INTS6: variants seen among roughly 807,000 people sequenced by gnomAD.
The protein encoded by INTS6 is integrator complex subunit 6.
Under a neutral mutation model 104.9 loss-of-function variants are expected in INTS6, and 16 were observed. That is an observed-to-expected ratio of 0.15 (90% confidence interval 0.10 to 0.23). INTS6 has a LOEUF of 0.23. INTS6 is among the 10% of genes least tolerant of loss of function. The pLI is 1.00. For missense variants in INTS6, 584 were observed against 1,062.8 expected, an observed-to-expected ratio of 0.55 and a Z score of 6.26; for synonymous variants, 324 against 358.7, an observed-to-expected ratio of 0.90 and a Z score of 1.09.
At chr13:51,430,648 G>A (rs1462880106) in intron 3 of INTS6, among the ~76,000 whole-genome samples, 1 of 152,042 alleles carries the variant, frequency 6.6e-6, no homozygotes, top group African/African-American at 2.4e-5. Context: ...ATTTTTAGAG[G>A]GAGTATATTT....
intron 6 of INTS6, among the ~76,000 whole-genome samples, chr13:51,389,084 T>C (rs1956199261): frequency 6.6e-6 from 1 of 152,240 alleles, no homozygotes; most frequent in Non-Finnish European, 1.5e-5. Flanking sequence ...GAAAAGGCTT[T>C]TGACTCATCA....
rs761913350 is a variant in INTS6 at position 51,378,281 on chromosome 13, A to C, written c.1560T>G (p.Asn520Lys). ...CTTGGAACCCAGTGTATTCCTTCATATTAAGGTCTAGCAGTCTGTGAGGGA... is the reference window on the plus strand; with the variant it reads ...CTTGGAACCCAGTGTATTCCTTCATCTTAAGGTCTAGCAGTCTGTGAGGGA... The part of the protein sequence containing the change: ...EDVPHRLLDL[N>K]MKEYTGFQVA... Residue 520 changes from asparagine to lysine, a missense_variant, in exon 12 of 18, where the codon AAT becomes AAG. Transcript: ENST00000311234. 2.4e-5 allele frequency: 38 copies of C among 1,613,432 alleles called. No homozygotes were observed. Among genetic ancestry groups the C allele is most frequent in the Non-Finnish European group, 3.1e-5 (37 of 1,179,438 alleles).
chr13:51,388,435 C>T (rs1345844514), intron 6 of INTS6, among the ~76,000 whole-genome samples: 3 of 151,448 alleles, frequency 2.0e-5, no homozygotes, highest in Non-Finnish European at 4.4e-5. Context: ...CTCTTGTTGC[C>T]CAGGCTGGAG....
At chr13:51,427,353 C>G (rs1209823003) in intron 4 of INTS6, among the ~76,000 whole-genome samples, 4 of 152,126 alleles carry the variant, frequency 2.6e-5, no homozygotes, top group African/African-American at 7.2e-5. Context: ...AATTGTTATT[C>G]CCTAGTAGGA....
At chr13:51,434,942 T>G (rs1320748507) in intron 3 of INTS6, among the ~76,000 whole-genome samples, 1 of 152,060 alleles carries the variant, frequency 6.6e-6, no homozygotes, top group Non-Finnish European at 1.5e-5. Context: ...ATTCACTATC[T>G]GGTGTCAAGC....
intron 5 of INTS6, among the ~76,000 whole-genome samples, chr13:51,390,107 T>C (rs1400569105): frequency 1.3e-5 from 2 of 152,020 alleles, no homozygotes; most frequent in East Asian, 1.9e-4. Context: ...TAAATACTAG[T>C]GATTTTTTTA....
chr13:51,429,785 A>AAAAAAAAAAAAATAT (rs1156333077), intron 4 of INTS6, among the ~76,000 whole-genome samples: 1 of 92,378 alleles, frequency 1.1e-5, no homozygotes, highest in African/African-American at 4.6e-5. Flanking sequence ...AAAAAAAAAA[A>AAAAAAAAAAAAATAT]ATATATATAT....
chr13:51,372,321 TA>T (rs1418221870), intron 15 of INTS6, among the ~76,000 whole-genome samples: 1 of 148,378 alleles, frequency 6.7e-6, no homozygotes, highest in Non-Finnish European at 1.5e-5. Flanking sequence ...TTTTTTTTTT[TA>T]AAGTATTTGG....
chr13:51,376,331 G>A (rs867592804), intron 12 of INTS6, among the ~76,000 whole-genome samples, 157 bp from the exon 13 acceptor site: 4 of 151,986 alleles, frequency 2.6e-5, no homozygotes, highest in East Asian at 3.9e-4. Context: ...TTAATGTACC[G>A]GTTCAGGGCC....
At chr13:51,378,161 C>T in intron 12 of INTS6, 78 bp downstream of exon 12, 1 of 1,037,074 alleles carries the variant, frequency 9.6e-7, no homozygotes, top group Non-Finnish European at 1.5e-6. Flanking sequence ...AACTGAATGT[C>T]AGAGTTAACA....
At chr13:51,357,329 C>T (rs1248202063), downstream of INTS6, among the ~76,000 whole-genome samples, 1 of 152,190 alleles carries the variant, frequency 6.6e-6, no homozygotes, top group Non-Finnish European at 1.5e-5. Flanking sequence ...GTAACTACCA[C>T]TCACCACACA....
At chr13:51,379,604 T>C in intron 10 of INTS6, 32 bp from the exon 11 acceptor site, 1 of 1,266,054 alleles carries the variant, frequency 7.9e-7, no homozygotes, top group Non-Finnish European at 1.1e-6. Context: ...CATTCAATAT[T>C]AAGCTTATTA....
chr13:51,344,193 T>C, the INTS6 span: 33 of 1,242,954 alleles, frequency 2.7e-5, no homozygotes, highest in Non-Finnish European at 3.7e-5. Flanking sequence ...TGCTGGAGGT[T>C]GTGCTAACTC....
At chr13:51,408,212 C>T (rs542315848) in intron 4 of INTS6, among the ~76,000 whole-genome samples, 2 of 149,012 alleles carry the variant, frequency 1.3e-5, no homozygotes, top group Admixed American at 6.7e-5. Flanking sequence ...GGTGCAATCT[C>T]GACTCACTGC....
chr13:51,383,282 G>A, intron 9 of INTS6, 47 bp downstream of exon 9: 1 of 1,505,142 alleles, frequency 6.6e-7, no homozygotes, highest in Non-Finnish European at 8.9e-7. Context: ...CGCTTTAGGA[G>A]AACTTTTATA....
At chr13:51,342,490 C>T in the INTS6 span, among the ~76,000 whole-genome samples, 16 of 152,210 alleles carry the variant, frequency 1.1e-4, no homozygotes, top group Admixed American at 2.6e-4. Context: ...AGTCAACCTC[C>T]GGCATTTTTT....
At chr13:51,451,953 A>G (rs1473991152) in intron 2 of INTS6, 25 bp downstream of exon 2, 2 of 1,560,256 alleles carry the variant, frequency 1.3e-6, no homozygotes. Context: ...GGAAGGGAGG[A>G]AAGGGGGAGG....
intron 9 of INTS6, among the ~76,000 whole-genome samples, chr13:51,382,851 C>T (rs981400729): frequency 3.3e-5 from 5 of 152,130 alleles, no homozygotes; most frequent in Admixed American, 6.5e-5. Context: ...CCAAGGCGGG[C>T]GGATCACCTG....
At chr13:51,425,441 C>T (rs961032318) in intron 4 of INTS6, among the ~76,000 whole-genome samples, 2 of 152,196 alleles carry the variant, frequency 1.3e-5, no homozygotes, top group Admixed American at 6.5e-5. Flanking sequence ...TACCTTCTCT[C>T]AACGTTAGCC....
Sources: allele counts gnomAD v4.1 joint callset (sites outside exome capture counted in the v4.1 genomes callset), GRCh38; gene constraint gnomAD v4.1.1; transcripts MANE v1.5; gene names NCBI Gene and HGNC (gene_info 2026-07-23, HGNC 2026-07-21).